The following ZNF507 variants were observed in gnomAD, a reference collection of about 807,000 sequenced individuals.
ZNF507 encodes the protein zinc finger protein 507.
A neutral mutation model predicts 80.0 loss-of-function variants in ZNF507; 29 were observed. That is an observed-to-expected ratio of 0.36 (90% CI 0.27 to 0.49). The LOEUF (loss-of-function observed/expected upper bound fraction) is 0.49, where lower values mean the gene tolerates loss of function less well. Ranked by LOEUF, ZNF507 falls within the 20% of genes least tolerant of loss-of-function variation. The probability of loss-of-function intolerance (pLI) is 0.98; values close to 1 mark genes in which losing one functional copy is unlikely to be tolerated. For synonymous variants in ZNF507, 462 were observed against 422.5 expected, an observed-to-expected ratio of 1.09 and a Z score of -1.15; for missense variants, 1,081 against 1,152.2, an observed-to-expected ratio of 0.94 and a Z score of 0.90.
At chr19:32,366,403 G>A (rs1031866705) in intron 5 of ZNF507, among the ~76,000 whole-genome samples, 1 of 150,866 alleles carries the variant, frequency 6.6e-6, no homozygotes, top group African/African-American at 2.4e-5. Flanking sequence ...CCACTATCTT[G>A]ACTTCTAACA....
At position 32,354,687 on chromosome 19, in the gene ZNF507, C is replaced by G. The variant is rs751565661; in HGVS notation, c.1857C>G (p.Pro619=). 2 of 1,614,164 alleles carry G rather than the reference C, an allele frequency of 1.2e-6. No individual in the cohort carries two copies. Among genetic ancestry groups the G allele is most frequent in the South Asian group, 2.2e-5 (2 of 91,076 alleles). The change falls in exon 3 of 7, where the codon CCC becomes CCG. Residue 619 remains proline, a synonymous_variant. Transcript: ENST00000355898. ...KELQDNAQCQ[P]NSDTSLSGNN... Reference sequence around the variant, plus strand: ...TGCAGGACAACGCCCAGTGCCAACCCAACAGCGATACAAGTTTGTCCGGAA... The same window carrying G: ...TGCAGGACAACGCCCAGTGCCAACCGAACAGCGATACAAGTTTGTCCGGAA...
intron 5 of ZNF507, among the ~76,000 whole-genome samples, chr19:32,367,811 T>G (rs1404821073): frequency 6.6e-6 from 1 of 152,204 alleles, no homozygotes; most frequent in Non-Finnish European, 1.5e-5. Context: ...ATGATAAGGT[T>G]GTCTCTCAGT....
At chr19:32,363,354 T>G (rs1168352622) in intron 5 of ZNF507, among the ~76,000 whole-genome samples, 1 of 152,192 alleles carries the variant, frequency 6.6e-6, no homozygotes, top group African/African-American at 2.4e-5. Flanking sequence ...GATTTATTGT[T>G]TATTTTAGTG....
intron 5 of ZNF507, among the ~76,000 whole-genome samples, chr19:32,381,601 C>CT (rs750737057): frequency 4.6e-5 from 7 of 152,082 alleles, no homozygotes; most frequent in African/African-American, 7.3e-5. Context: ...GAGCAAGACT[C>CT]TATCTCAAAC....
At position 32,382,824 on chromosome 19, in the gene ZNF507, C is replaced by T; in HGVS notation, c.2603C>T (p.Ser868Phe). The T allele has an allele frequency of 6.2e-7, 1 of 1,614,088 alleles. No individual in the cohort carries two copies. The highest frequency in any genetic ancestry group is 8.5e-7 in the Non-Finnish European group (1 of 1,180,008). Residue 868 changes from serine (S) to phenylalanine (F), a missense_variant, in exon 7 of 7, where the codon TCC (serine) becomes TTC (phenylalanine). This residue lies in a region of ZNF507 where 138 missense variants were observed against 158.4 expected (regional missense o/e 0.87). Coordinates refer to ENST00000355898, the MANE Select transcript of ZNF507 (RefSeq NM_001136156.2). ...ENAVSSSELM[S>F]QTPSEVLGTN... Reference sequence around the variant, plus strand: ...GCAGTGTCATCTTCAGAACTGATGTCCCAGACTCCCAGTGAAGTTCTGGGT... The same window carrying T: ...GCAGTGTCATCTTCAGAACTGATGTTCCAGACTCCCAGTGAAGTTCTGGGT...
rs1228790955 is a variant in ZNF507 at position 32,386,450 on chromosome 19, T to C, written c.*3367T>C. 24 of 152,622 alleles carry C rather than the reference T, an allele frequency of 1.6e-4. No homozygotes were observed. The highest frequency in any genetic ancestry group is 1.6e-3 in the Admixed American group (24 of 15,280). 9.5% of individuals were successfully genotyped at this position (152,622 alleles called of 1,614,324 possible). A position where few individuals can be genotyped will look rare whatever the true frequency, so the allele number is the denominator to read the frequency against. On this transcript the variant is annotated 3_prime_UTR_variant, in exon 7 of 7. Coordinates refer to ENST00000355898, the MANE Select transcript of ZNF507 (RefSeq NM_001136156.2). ...CGATAAAATATATTTAATAGAAATT[T>C]GCGTTTGATATTCATGAACATGAAT...
chr19:32,369,597 A>G (rs1967442604), intron 5 of ZNF507, among the ~76,000 whole-genome samples: 1 of 151,370 alleles, frequency 6.6e-6, no homozygotes, highest in African/African-American at 2.4e-5. Flanking sequence ...GATTTGTTAG[A>G]CATAGCCTCT....
At chr19:32,356,491 TTGA>T in intron 3 of ZNF507, 122 bp from the exon 4 acceptor site, 1 of 646,366 alleles carries the variant, frequency 1.5e-6, no homozygotes, top group East Asian at 2.7e-5. Flanking sequence ...TTTAGCAGAC[TTGA>T]TTTTAAAATA....
chr19:32,363,798 C>T (rs1395061721), intron 5 of ZNF507, among the ~76,000 whole-genome samples: 1 of 152,154 alleles, frequency 6.6e-6, no homozygotes, highest in Admixed American at 6.5e-5. Context: ...AGAATTAATT[C>T]TGTGCCAGGG....
At chr19:32,345,969 T>C (rs897899821) in intron 1 of ZNF507, among the ~76,000 whole-genome samples, 186 bp downstream of exon 1, 2 of 152,232 alleles carry the variant, frequency 1.3e-5, no homozygotes, top group African/African-American at 4.8e-5. Flanking sequence ...CTGCGGAGAC[T>C]CTGGGCTTGC....
chr19:32,356,785 A>G (rs1221711899), intron 4 of ZNF507, 52 bp downstream of exon 4: 2 of 1,390,310 alleles, frequency 1.4e-6, no homozygotes, highest in Non-Finnish European at 2.0e-6. Flanking sequence ...ATGACATAAA[A>G]GTGCCCTTAG....
chr19:32,355,773 G>A lies in ZNF507; in HGVS notation c.2127+816G>A, dbSNP rs142135867. ...AAGGTCACAGGAGGGAGGCCGAGGC[G>A]GGCAGATCATGAGGTCAGGAGATTG... On this transcript the variant is annotated intron_variant, in intron 3 of 6. Transcript: ENST00000355898. 6.8e-4 allele frequency among the ~76,000 whole-genome samples: 104 copies of A among 152,020 alleles called. No individual in the cohort carries two copies. The East Asian group carries it at 0.019, about 27-fold the overall frequency.
Position 32,354,779 on chromosome 19 carries a change from G to C in ZNF507, c.1949G>C (p.Ser650Thr). ...CGTTGCCGCCTGTGTCACTACACAAGTGGCAACAAGGGCTACATCAAGCAG... is the reference window on the plus strand; with the variant it reads ...CGTTGCCGCCTGTGTCACTACACAACTGGCAACAAGGGCTACATCAAGCAG... ...PYRCRLCHYT[S>T]GNKGYIKQHL... Residue 650 changes from serine (S) to threonine (T), a missense_variant, in exon 3 of 7, where the codon AGT (serine) becomes ACT (threonine). This residue lies in a region of ZNF507 where 614 missense variants were observed against 583.9 expected (regional missense o/e 1.05). Coordinates refer to ENST00000355898, the MANE Select transcript of ZNF507 (RefSeq NM_001136156.2). The C allele has an allele frequency of 6.2e-7, 1 of 1,614,198 alleles. No individual in the cohort carries two copies.
At chr19:32,373,337 A>C (rs1025159799) in intron 5 of ZNF507, among the ~76,000 whole-genome samples, 1 of 152,174 alleles carries the variant, frequency 6.6e-6, no homozygotes, top group African/African-American at 2.4e-5. Flanking sequence ...AAGTTTCCAC[A>C]TAGGAATTTC....
intron 5 of ZNF507, 184 bp from the exon 6 acceptor site, chr19:32,382,282 TC>T (rs1285491161): frequency 1.7e-6 from 1 of 605,482 alleles, no homozygotes; most frequent in Admixed American, 3.2e-5. Context: ...TTCTAGGACT[TC>T]CATTCTAGGA....
At position 32,353,049 on chromosome 19, in the gene ZNF507, A is replaced by G. The variant is rs770546508; in HGVS notation, c.219A>G (p.Ser73=). The change falls in exon 3 of 7, where the codon TCA becomes TCG. Residue 73 remains serine (S), a synonymous_variant. Transcript: ENST00000355898. ...CLLIGKKRPR[S]SAATHSLETQ... Reference sequence around the variant, plus strand: ...TAATTGGGAAGAAACGCCCACGTTCAAGTGCTGCAACACACTCTCTTGAAA... The same window carrying G: ...TAATTGGGAAGAAACGCCCACGTTCGAGTGCTGCAACACACTCTCTTGAAA... 7.4e-6 allele frequency: 12 copies of G among 1,614,054 alleles called. No homozygotes were observed. The highest frequency in any genetic ancestry group is 1.0e-5 in the Non-Finnish European group (12 of 1,179,990).
intron 4 of ZNF507, chr19:32,359,329 A>G (rs1967291215): frequency 6.6e-6 from 1 of 152,136 alleles, no homozygotes; most frequent in Admixed American, 6.5e-5. Flanking sequence ...TAACTTAAGG[A>G]TTTTCTTTGT....
intron 5 of ZNF507, among the ~76,000 whole-genome samples, chr19:32,376,918 A>G (rs1259640256): frequency 2.6e-5 from 4 of 151,896 alleles, no homozygotes; most frequent in East Asian, 1.9e-4. Context: ...AGAGAGAGGG[A>G]GAGAGAGAGA....
intron 5 of ZNF507, among the ~76,000 whole-genome samples, chr19:32,377,554 T>C (rs1967567282): frequency 6.6e-6 from 1 of 152,236 alleles, no homozygotes; most frequent in African/African-American, 2.4e-5. Flanking sequence ...TATATTTTAT[T>C]ATACTGGAAC....
Sources: allele counts gnomAD v4.1 joint callset (sites outside exome capture counted in the v4.1 genomes callset), GRCh38; gene constraint gnomAD v4.1.1; regional missense constraint gnomAD v4.1.1; transcripts MANE v1.5; gene names NCBI Gene and HGNC (gene_info 2026-07-23, HGNC 2026-07-21).